The following KIAA1549L variants were observed in gnomAD, a reference collection of about 807,000 sequenced individuals.
KIAA1549L encodes the protein UPF0606 protein KIAA1549L.
KIAA1549L carries 88 observed loss-of-function variants against 160.7 expected under a neutral mutation model. The observed-to-expected ratio is 0.55, with a 90% CI of 0.46 to 0.65. The LOEUF (loss-of-function observed/expected upper bound fraction) is 0.65, where lower values mean the gene tolerates loss of function less well. KIAA1549L is among the 30% of genes least tolerant of loss of function. The probability of loss-of-function intolerance (pLI) is 0.00; values close to 1 mark genes in which losing one functional copy is unlikely to be tolerated. For synonymous variants in KIAA1549L, 950 were observed against 976.7 expected, an observed-to-expected ratio of 0.97 and a Z score of 0.51; for missense variants, 2,258 against 2,437.5, an observed-to-expected ratio of 0.93 and a Z score of 1.55.
intron 10 of KIAA1549L, among the ~76,000 whole-genome samples, chr11:33,581,765 CT>C (rs1262785015): frequency 6.6e-6 from 1 of 152,138 alleles, no homozygotes; most frequent in African/African-American, 2.4e-5. Flanking sequence ...GTTTGGATGA[CT>C]TCAGTTGACC....
rs12276620 is a variant in KIAA1549L at position 33,657,232 on chromosome 11, C to T, written c.5858+1123C>T. ...TTGGACCTTCCTAGGAGAGTAGCAA[C>T]GGGCTTCTTGGTTACTCCTGAGAGT... On this transcript the variant is annotated intron_variant, in intron 18 of 20. Transcript: ENST00000658780. Among the ~76,000 whole-genome samples the T allele has an allele frequency of 6.6e-3, 1,002 of 152,172 alleles. 7 individuals carry two copies. The highest frequency in any genetic ancestry group is 0.015 in the African/African-American group (641 of 41,532).
At chr11:33,632,241 A>G (rs1048568234) in intron 16 of KIAA1549L, among the ~76,000 whole-genome samples, 1 of 152,198 alleles carries the variant, frequency 6.6e-6, no homozygotes, top group Admixed American at 6.5e-5. Flanking sequence ...GGCTGTATCC[A>G]CAGGTGGACT....
At chr11:33,551,305 G>A in intron 5 of KIAA1549L, 46 bp downstream of exon 5, 1 of 1,529,464 alleles carries the variant, frequency 6.5e-7, no homozygotes, top group South Asian at 1.1e-5. Context: ...CTTGGGTTCA[G>A]GGCCAGTACC....
intron 13 of KIAA1549L, among the ~76,000 whole-genome samples, chr11:33,605,677 G>A (rs1850482283): frequency 6.6e-6 from 1 of 152,058 alleles, no homozygotes; most frequent in Admixed American, 6.6e-5. Context: ...AATCTCTCAA[G>A]CAGACAGGAG....
In KIAA1549L at chr11:33,645,739, GGGCTATTCCA is replaced by G. The variant is rs757165331; in HGVS notation, c.5466_5475del (p.Tyr1823LeufsTer4). ...ACATTGACAGAGTTCCTGAGCCCCG[GGGCTATTCCA>G]GGTCTCGACAGGTGAAAGGCCACTC... On this transcript the variant is annotated frameshift_variant, in exon 17 of 21. Coordinates refer to ENST00000658780, the MANE Select transcript of KIAA1549L (RefSeq NM_012194.3). LOFTEE classifies it high-confidence loss of function. 6.2e-7 allele frequency: 1 copy of G among 1,614,002 alleles called. No homozygotes were observed. Among genetic ancestry groups the G allele is most frequent in the Non-Finnish European group, 8.5e-7 (1 of 1,179,898 alleles).
intron 9 of KIAA1549L, among the ~76,000 whole-genome samples, chr11:33,572,100 G>A (rs1313242354): frequency 6.6e-6 from 1 of 151,126 alleles, no homozygotes; most frequent in East Asian, 1.9e-4. Context: ...GCAGTGGTGT[G>A]AGCTCAGCTC....
At chr11:33,574,970 C>T (rs1855398104) in intron 10 of KIAA1549L, 97 bp downstream of exon 10, 1 of 1,039,782 alleles carries the variant, frequency 9.6e-7, no homozygotes, top group African/African-American at 1.6e-5. Context: ...GGTCTCAGAG[C>T]TAAACATATT....
At chr11:33,478,474 G>A (rs1424807445) in intron 1 of KIAA1549L, among the ~76,000 whole-genome samples, 7 of 152,238 alleles carry the variant, frequency 4.6e-5, no homozygotes, top group South Asian at 2.1e-4. Flanking sequence ...CACATGGAGC[G>A]GATTTCAGAG....
chr11:33,428,105 T>C (rs552769404), intron 1 of KIAA1549L, among the ~76,000 whole-genome samples: 2 of 152,356 alleles, frequency 1.3e-5, no homozygotes, highest in Non-Finnish European at 2.9e-5. Context: ...TGTGGACATA[T>C]GTTTTCAGTT....
chr11:33,499,818 C>A (rs1478694203), intron 1 of KIAA1549L, among the ~76,000 whole-genome samples: 1 of 152,166 alleles, frequency 6.6e-6, no homozygotes, highest in African/African-American at 2.4e-5. Context: ...TGTGACAGCC[C>A]TATGGTAGTG....
chr11:33,505,899 A>T (rs776417272), intron 1 of KIAA1549L, among the ~76,000 whole-genome samples: 1 of 152,258 alleles, frequency 6.6e-6, no homozygotes, highest in Non-Finnish European at 1.5e-5. Flanking sequence ...ATATTTATTG[A>T]GTACTCACCA....
rs138775051 is a variant in KIAA1549L at position 33,598,229 on chromosome 11, T to TGTGTGTGTGTGTGTGTGTGTCTGA, written c.4752-591_4752-590insGTGTGTGTGTGTGTGTGTGTCTGA. ...GTGTGTGTGTGTGTGTGTGTGTGTG[T>TGTGTGTGTGTGTGTGTGTGTCTGA]CAGAGTGAAGCCCCTAGTGATGGGG... On this transcript the variant is annotated intron_variant, in intron 12 of 20. Coordinates refer to ENST00000658780, the MANE Select transcript of KIAA1549L (RefSeq NM_012194.3). 6.1e-5 allele frequency among the ~76,000 whole-genome samples: 9 copies of TGTGTGTGTGTGTGTGTGTGTCTGA among 147,956 alleles called. No homozygotes were observed. The East Asian group carries it at 1.4e-3, about 23-fold the overall frequency.
chr11:33,477,257 G>A (rs1003572448), intron 1 of KIAA1549L, among the ~76,000 whole-genome samples: 1 of 152,106 alleles, frequency 6.6e-6, no homozygotes, highest in Non-Finnish European at 1.5e-5. Context: ...TTCTACCTGG[G>A]TAGAATGCCC....
At chr11:33,492,145 T>C (rs1265202103) in intron 1 of KIAA1549L, among the ~76,000 whole-genome samples, 1 of 152,080 alleles carries the variant, frequency 6.6e-6, no homozygotes, top group Non-Finnish European at 1.5e-5. Context: ...GGTGGACAGA[T>C]CACCTGAGGT....
intron 1 of KIAA1549L, among the ~76,000 whole-genome samples, chr11:33,469,161 C>G (rs1009509349): frequency 6.6e-6 from 1 of 152,182 alleles, no homozygotes; most frequent in Non-Finnish European, 1.5e-5. Flanking sequence ...TTATCACCCC[C>G]AAACAAACCC....
chr11:33,542,048 G>C lies in KIAA1549L; in HGVS notation c.485G>C (p.Gly162Ala), dbSNP rs1443841322. 2.2e-6 allele frequency: 1 copy of C among 464,978 alleles called. No individual in the cohort carries two copies. The highest frequency in any genetic ancestry group is 1.5e-5 in the South Asian group (1 of 64,616). The allele number at this position is 464,978 out of a possible 1,614,324, so 28.8% of individuals were successfully genotyped here. A position where few individuals can be genotyped will look rare whatever the true frequency, so the allele number is the denominator to read the frequency against. The change falls in exon 2 of 21, where the codon GGA becomes GCA. Residue 162 changes from glycine (G) to alanine (A), a missense_variant. Transcript: ENST00000658780. The stretch of plus-strand genomic sequence containing the variant: ...GACTTCTCTTCTTCCCTTTACCAAG[G>C]AAGCGGACATAGCGCCTCCCTCGAA... ...HADFSSSLYQGSGHSASLEPS... is the reference protein window; with the variant it reads ...HADFSSSLYQASGHSASLEPS...
intron 16 of KIAA1549L, among the ~76,000 whole-genome samples, chr11:33,636,225 A>C (rs1328717272): frequency 6.6e-6 from 1 of 152,150 alleles, no homozygotes; most frequent in Non-Finnish European, 1.5e-5. Context: ...TGGTAACGCA[A>C]TTTGGTTATG....
chr11:33,569,017 A>G (rs992996427), intron 9 of KIAA1549L, among the ~76,000 whole-genome samples: 11 of 152,196 alleles, frequency 7.2e-5, no homozygotes, highest in Non-Finnish European at 1.3e-4. Context: ...TGACTGCAGT[A>G]ACTGGCTTAA....
At position 33,667,242 on chromosome 11, in the gene KIAA1549L, AAT is replaced by A. The variant is rs375102155; in HGVS notation, c.6160-627_6160-626del. Among the ~76,000 whole-genome samples, 349 of 152,298 alleles carry A rather than the reference AAT, an allele frequency of 2.3e-3. 2 individuals carry two copies. Among genetic ancestry groups the A allele is most frequent in the African/African-American group, 7.6e-3 (316 of 41,566 alleles). On this transcript the variant is annotated intron_variant, in intron 20 of 20. Coordinates refer to ENST00000658780, the MANE Select transcript of KIAA1549L (RefSeq NM_012194.3). ...AAAATAAGGTAGCCAGGTAGATTCAAATATAGACTCAGATATATATTCCTAAG... is the reference window on the plus strand; with the variant it reads ...AAAATAAGGTAGCCAGGTAGATTCAAATAGACTCAGATATATATTCCTAAG...
Sources: allele counts gnomAD v4.1 joint callset (sites outside exome capture counted in the v4.1 genomes callset), GRCh38; gene constraint gnomAD v4.1.1; transcripts MANE v1.5; gene names NCBI Gene and HGNC (gene_info 2026-07-23, HGNC 2026-07-21).